Variants in CADM1 observed in about 807,000 individuals in gnomAD.
The protein encoded by CADM1 is TSLC-1.
CADM1 carries 15 observed loss-of-function variants against 53.1 expected under a neutral mutation model. That is an observed-to-expected ratio of 0.28 (90% CI 0.19 to 0.44). The LOEUF is 0.44. Among genes scored for constraint, CADM1 ranks in the 20% least tolerant of loss-of-function variants. CADM1 has a pLI of 1.00. For missense variants in CADM1, 434 were observed against 611.3 expected, an observed-to-expected ratio of 0.71 and a Z score of 3.06; for synonymous variants, 281 against 243.0, an observed-to-expected ratio of 1.16 and a Z score of -1.45.
At chr11:115,178,136 C>T (rs561527492) in intron 11 of CADM1, among the ~76,000 whole-genome samples, 3 of 152,222 alleles carry the variant, frequency 2.0e-5, no homozygotes, top group Non-Finnish European at 2.9e-5. Context: ...CATATTTATG[C>T]GGCTTTTAAG....
At chr11:115,280,845 T>A (rs1384097049) in intron 1 of CADM1, among the ~76,000 whole-genome samples, 3 of 152,184 alleles carry the variant, frequency 2.0e-5, no homozygotes, top group Non-Finnish European at 4.4e-5. Context: ...ACCTAGGAAT[T>A]TGGTCTTTCA....
In CADM1 at chr11:115,257,990, C is replaced by T. The variant is rs537511257; in HGVS notation, c.125-17570G>A. 5.3e-5 allele frequency among the ~76,000 whole-genome samples: 8 copies of T among 152,278 alleles called. No individual in the cohort carries two copies. The South Asian group carries it at 8.3e-4, about 16-fold the overall frequency. On this transcript the variant is annotated intron_variant, in intron 1 of 11. Transcript: ENST00000331581. Reference sequence around the variant, plus strand: ...GGTCTATGCTCTGAGAATTGGCATACGTAATCTAATTGAATCCTTTACCAA... The same window carrying T: ...GGTCTATGCTCTGAGAATTGGCATATGTAATCTAATTGAATCCTTTACCAA...
At chr11:115,253,210 G>C (rs889189990) in intron 1 of CADM1, among the ~76,000 whole-genome samples, 15 of 152,342 alleles carry the variant, frequency 9.8e-5, no homozygotes, top group African/African-American at 3.6e-4. Flanking sequence ...GGTTGGACAA[G>C]CTGGCCCTAA....
At chr11:115,326,974 T>C (rs1245997954) in intron 1 of CADM1, among the ~76,000 whole-genome samples, 1 of 152,212 alleles carries the variant, frequency 6.6e-6, no homozygotes, top group Non-Finnish European at 1.5e-5. Context: ...TACTTGAAGA[T>C]TGTATCTGGA....
At chr11:115,257,214 T>G (rs1340803439) in intron 1 of CADM1, among the ~76,000 whole-genome samples, 1 of 152,254 alleles carries the variant, frequency 6.6e-6, no homozygotes, top group Non-Finnish European at 1.5e-5. Context: ...TGCTGTTCTA[T>G]TCACTTTTTA....
intron 1 of CADM1, among the ~76,000 whole-genome samples, chr11:115,272,433 A>G (rs911981661): frequency 6.6e-6 from 1 of 151,856 alleles, no homozygotes; most frequent in Non-Finnish European, 1.5e-5. Context: ...ATTTTAAAAG[A>G]AAAAAAACAT....
chr11:115,202,292 C>G (rs903187827), intron 8 of CADM1, among the ~76,000 whole-genome samples: 3 of 152,054 alleles, frequency 2.0e-5, no homozygotes, highest in Non-Finnish European at 2.9e-5. Flanking sequence ...CATATGGATT[C>G]TCTCCAACTT....
chr11:115,416,650 G>A (rs1947604419), intron 1 of CADM1, among the ~76,000 whole-genome samples: 4 of 150,852 alleles, frequency 2.7e-5, no homozygotes, highest in Admixed American at 2.7e-4. Flanking sequence ...TACCATCCAA[G>A]ACTGTAGCCT....
At chr11:115,249,267 C>T (rs1215884466) in intron 1 of CADM1, among the ~76,000 whole-genome samples, 1 of 152,180 alleles carries the variant, frequency 6.6e-6, no homozygotes, top group African/African-American at 2.4e-5. Flanking sequence ...TGATATTATA[C>T]TCTAGGAAAC....
rs954763646 is a variant in CADM1 at position 115,174,659 on chromosome 11, G to C, written c.*1815C>G. 8 of 983,766 alleles carry C rather than the reference G, an allele frequency of 8.1e-6. No individual in the cohort carries two copies. The African/African-American group carries it at 1.4e-4, about 17-fold the overall frequency. The allele number at this position is 983,766 out of a possible 1,614,324, so 60.9% of individuals were successfully genotyped here. A position where few individuals can be genotyped will look rare whatever the true frequency, so the allele number is the denominator to read the frequency against. ...CACTTTTTCCCCCTTAAATAAATCA[G>C]CATAAGTTTTCCACATAATGTAACA... On this transcript the variant is annotated 3_prime_UTR_variant, in exon 12 of 12. Coordinates refer to ENST00000331581, the MANE Select transcript of CADM1 (RefSeq NM_001301043.2).
At chr11:115,338,413 T>G (rs983615805) in intron 1 of CADM1, among the ~76,000 whole-genome samples, 1 of 152,150 alleles carries the variant, frequency 6.6e-6, no homozygotes, top group African/African-American at 2.4e-5. Context: ...AATTACCTAG[T>G]GTTCATGTCT....
At chr11:115,363,221 A>G (rs1022959903) in intron 1 of CADM1, among the ~76,000 whole-genome samples, 2 of 152,158 alleles carry the variant, frequency 1.3e-5, no homozygotes, top group African/African-American at 2.4e-5. Context: ...GCTAGTGCCA[A>G]AATACCGCAA....
chr11:115,362,517 A>G (rs1197382389), intron 1 of CADM1, among the ~76,000 whole-genome samples: 3 of 152,262 alleles, frequency 2.0e-5, no homozygotes, highest in Non-Finnish European at 4.4e-5. Flanking sequence ...TTTAATTAAC[A>G]GATAAGTTTG....
chr11:115,414,025 A>G (rs1442480697), intron 1 of CADM1, among the ~76,000 whole-genome samples: 1 of 152,124 alleles, frequency 6.6e-6, no homozygotes, highest in East Asian at 1.9e-4. Context: ...ACTCATAAGG[A>G]ATAATTCCTT....
chr11:115,259,961 G>A (rs1490693845), intron 1 of CADM1, among the ~76,000 whole-genome samples: 1 of 152,014 alleles, frequency 6.6e-6, no homozygotes, highest in Non-Finnish European at 1.5e-5. Context: ...CGTCTCACTG[G>A]GTCACCCCAG....
At chr11:115,235,221 T>C (rs955881058) in intron 3 of CADM1, among the ~76,000 whole-genome samples, 1 of 151,854 alleles carries the variant, frequency 6.6e-6, no homozygotes, top group African/African-American at 2.4e-5. Context: ...TGAGGTGATT[T>C]AAATCTGCTT....
At chr11:115,346,701 G>C (rs1945588447) in intron 1 of CADM1, among the ~76,000 whole-genome samples, 1 of 152,128 alleles carries the variant, frequency 6.6e-6, no homozygotes, top group African/African-American at 2.4e-5. Flanking sequence ...GAGAGGCCCG[G>C]ATCAAGCCAA....
At chr11:115,181,414 G>T (rs771654914) in intron 10 of CADM1, among the ~76,000 whole-genome samples, 1 of 151,986 alleles carries the variant, frequency 6.6e-6, no homozygotes, top group Non-Finnish European at 1.5e-5. Context: ...CACCCTCAAG[G>T]ACATACATAT....
At chr11:115,330,025 T>G (rs1353228775) in intron 1 of CADM1, among the ~76,000 whole-genome samples, 1 of 150,936 alleles carries the variant, frequency 6.6e-6, no homozygotes, top group South Asian at 2.1e-4. Flanking sequence ...GGGTACAGGA[T>G]AGAGGGGTGC....
Sources: gnomAD v4.1 joint callset for allele counts (sites outside exome capture counted in the v4.1 genomes callset) on GRCh38, gnomAD v4.1.1 for gene constraint, MANE v1.5 for transcripts, NCBI Gene and HGNC (gene_info 2026-07-23, HGNC 2026-07-21) for gene names.